ZZEF1: variants seen among roughly 807,000 people sequenced by gnomAD.
ZZEF1 encodes zinc finger ZZ-type and EF-hand domain containing 1, also known as zinc finger ZZ-type and EF-hand domain-containing protein 1.
A neutral mutation model predicts 342.8 loss-of-function variants in ZZEF1; 157 were observed. That is an observed-to-expected ratio of 0.46 (90% CI 0.40 to 0.52). The LOEUF (loss-of-function observed/expected upper bound fraction) is 0.52, where lower values mean the gene tolerates loss of function less well. ZZEF1 is among the 20% of genes least tolerant of loss of function. ZZEF1 has a pLI of 0.00. For missense variants in ZZEF1, 3,480 were observed against 3,725.6 expected (o/e 0.93, Z 1.72); for synonymous variants, 1,505 against 1,429.1 (o/e 1.05, Z -1.20).
Position 4,088,680 on chromosome 17 carries a change from G to C in ZZEF1, c.2239C>G (p.Leu747Val). 2 of 1,613,558 alleles carry C rather than the reference G, an allele frequency of 1.2e-6. No homozygotes were observed. Among genetic ancestry groups the C allele is most frequent in the African/African-American group, 1.3e-5 (1 of 75,050 alleles). The change falls in exon 13 of 55, where the codon CTG becomes GTG. Residue 747 changes from leucine (L) to valine (V), a missense_variant and splice_region_variant. Around this residue, in one of 5 missense-constraint regions of ZZEF1, gnomAD observed 1,528 missense variants for 1,624.1 expected, o/e 0.94. Transcript: ENST00000381638. ...TCTAACAACTGAGGAAGCCCTACCA[G>C]GTCATGGGCGAGCTGCTGGATAAAC... ...LQFIQQLAHD[L>V]VQQKESGLKY... is the part of the protein sequence containing the mutation.
intron 1 of ZZEF1, among the ~76,000 whole-genome samples, chr17:4,133,738 T>C (rs2058705594): frequency 6.6e-6 from 1 of 152,082 alleles, no homozygotes; most frequent in African/African-American, 2.4e-5. Flanking sequence ...TTTTTTCTTT[T>C]TGAGACAGGG....
At chr17:4,062,731 T>C (rs976715701) in intron 30 of ZZEF1, 22 bp downstream of exon 30, 1 of 1,575,314 alleles carries the variant, frequency 6.3e-7, no homozygotes, top group Non-Finnish European at 8.6e-7. Context: ...GTTTTCCTTC[T>C]GGACCTGTCC....
intron 25 of ZZEF1, among the ~76,000 whole-genome samples, chr17:4,071,719 G>A (rs2057513082): frequency 6.6e-6 from 1 of 152,186 alleles, no homozygotes. Flanking sequence ...GACCACCACA[G>A]AAGTGACCGG....
At chr17:4,113,774 A>G (rs2058351749) in intron 4 of ZZEF1, among the ~76,000 whole-genome samples, 1 of 152,190 alleles carries the variant, frequency 6.6e-6, no homozygotes, top group South Asian at 2.1e-4. Flanking sequence ...GTTTGAGACA[A>G]GCCTGGGCAA....
At chr17:4,096,523 C>T in intron 10 of ZZEF1, 86 bp downstream of exon 10, 1 of 1,149,104 alleles carries the variant, frequency 8.7e-7, no homozygotes, top group Non-Finnish European at 1.3e-6. Context: ...CTCATGTACC[C>T]CACAAATATA....
At chr17:4,092,299 C>CTTTTT (rs367934690) in intron 11 of ZZEF1, among the ~76,000 whole-genome samples, 1 of 118,396 alleles carries the variant, frequency 8.4e-6, no homozygotes, top group Non-Finnish European at 1.7e-5. Flanking sequence ...AAACATGTCC[C>CTTTTT]TTTTTTTTTT....
Position 4,131,862 on chromosome 17 carries a change from A to T in ZZEF1, c.355-7811T>A, listed in dbSNP as rs770828200. On this transcript the variant is annotated intron_variant, in intron 1 of 54. Transcript: ENST00000381638. ...ATAATCATAATAAGGTAAAGGTCAA[A>T]GGGTGATCTAAACAAAATGGACAGA... Among the ~76,000 whole-genome samples the T allele has an allele frequency of 9.2e-5, 14 of 152,214 alleles. 1 individual carries two copies. The highest frequency in any genetic ancestry group is 1.9e-4 in the Non-Finnish European group (13 of 68,034).
intron 34 of ZZEF1, among the ~76,000 whole-genome samples, chr17:4,052,553 A>G (rs1402318471): frequency 6.6e-6 from 1 of 152,166 alleles, no homozygotes; most frequent in Non-Finnish European, 1.5e-5. Flanking sequence ...GACTTCCAAA[A>G]TAAAAAAATA....
chr17:4,021,399 T>C (rs2056266660), intron 44 of ZZEF1, 79 bp from the exon 45 acceptor site: 2 of 1,201,562 alleles, frequency 1.7e-6, no homozygotes, highest in African/African-American at 3.1e-5. Context: ...CATGAAAATA[T>C]TGGGCCTAAC....
chr17:4,031,736 T>C (rs552002242), intron 42 of ZZEF1, among the ~76,000 whole-genome samples: 2 of 152,304 alleles, frequency 1.3e-5, no homozygotes, highest in East Asian at 1.9e-4. Flanking sequence ...TAAAACAAAA[T>C]GGAAAGTTAC....
rs773773609 is a variant in ZZEF1 at position 4,104,610 on chromosome 17, C to T, written c.1573+23G>A. 6 of 1,611,420 alleles carry T rather than the reference C, an allele frequency of 3.7e-6. No individual in the cohort carries two copies. In the East Asian group the frequency reaches 1.1e-4, roughly 30 times the overall value. Reference sequence around the variant, plus strand: ...TTGTCCACTGTTGACATTTCTATCACCCCCATGTTTTACCATATTTACCAT... The same window carrying T: ...TTGTCCACTGTTGACATTTCTATCATCCCCATGTTTTACCATATTTACCAT... On this transcript the variant is annotated intron_variant, in intron 8 of 54. Coordinates refer to ENST00000381638, the MANE Select transcript of ZZEF1 (RefSeq NM_015113.4).
At chr17:4,105,291 C>T (rs537352258) in intron 7 of ZZEF1, among the ~76,000 whole-genome samples, 1 of 152,162 alleles carries the variant, frequency 6.6e-6, no homozygotes, top group African/African-American at 2.4e-5. Flanking sequence ...AGTGAGTGTC[C>T]CTACACAAAG....
intron 12 of ZZEF1, 94 bp from the exon 13 acceptor site, chr17:4,088,987 T>C: frequency 1.7e-6 from 2 of 1,182,328 alleles, no homozygotes; most frequent in Non-Finnish European, 2.4e-6. Flanking sequence ...GGTCTTCCTA[T>C]GATTTTCGTA....
intron 1 of ZZEF1, among the ~76,000 whole-genome samples, chr17:4,126,719 C>T (rs577020722): frequency 6.6e-6 from 1 of 152,242 alleles, no homozygotes; most frequent in Non-Finnish European, 1.5e-5. Flanking sequence ...CCTTGGGAGG[C>T]CAAAGTGCCT....
At position 4,117,157 on chromosome 17, in the gene ZZEF1, T is replaced by G. The variant is rs745836533; in HGVS notation, c.509A>C (p.Asp170Ala). The change falls in exon 3 of 55, where the codon GAC becomes GCC. Residue 170 changes from aspartate to alanine, a missense_variant. By Grantham distance (126) the Asp-to-Ala change is moderately radical (BLOSUM62 -2). Transcript: ENST00000381638. ...QACSLVPGFT[D>A]IFSESKEGLD... ...GCCCTCCTTCGACTCTGAAAATATGTCTGTGAAACCTAAACAGATGAAATC... is the reference window on the plus strand; with the variant it reads ...GCCCTCCTTCGACTCTGAAAATATGGCTGTGAAACCTAAACAGATGAAATC... The G allele has an allele frequency of 3.1e-6, 5 of 1,611,944 alleles. No homozygotes were observed. The highest frequency in any genetic ancestry group is 3.4e-6 in the Non-Finnish European group (4 of 1,178,618).
intron 39 of ZZEF1, among the ~76,000 whole-genome samples, chr17:4,036,552 T>C (rs1480039858): frequency 6.6e-6 from 1 of 151,958 alleles, no homozygotes; most frequent in Non-Finnish European, 1.5e-5. Flanking sequence ...CTGACCAACA[T>C]GGTGAAACCT....
Position 4,123,268 on chromosome 17 carries a change from CATATATATAT to C in ZZEF1, c.499+629_499+638del, listed in dbSNP as rs60101709. ...TTTATACATTAGAATTTATCATAAC[CATATATATAT>C]ATATATATATATATATATATATATA... On this transcript the variant is annotated intron_variant, in intron 2 of 54. Coordinates refer to ENST00000381638, the MANE Select transcript of ZZEF1 (RefSeq NM_015113.4). Among the ~76,000 whole-genome samples, 687 of 85,320 alleles carry C rather than the reference CATATATATAT, an allele frequency of 8.1e-3. 7 individuals are homozygous for C. The highest frequency in any genetic ancestry group is 0.014 in the African/African-American group (330 of 22,830). The allele number at this position is 85,320 out of a possible 152,430, so 56.0% of individuals were successfully genotyped here.
Position 4,117,016 on chromosome 17 carries a change from G to A in ZZEF1, c.650C>T (p.Ser217Phe). The A allele has an allele frequency of 6.2e-7, 1 of 1,613,392 alleles. No homozygotes were observed. The highest frequency in any genetic ancestry group is 8.5e-7 in the Non-Finnish European group (1 of 1,179,550). Residue 217 changes from serine to phenylalanine, a missense_variant, in exon 3 of 55, where the codon TCC becomes TTC. Transcript: ENST00000381638. ...CTGATCCAGAGACTCCTTCAGGACG[G>A]AAGACCGCATGGTGCACATGTTATT... Reference protein sequence around the residue: ...HCNNMCTMRSSVLKESLDQLV... With the variant: ...HCNNMCTMRSFVLKESLDQLV...
At chr17:4,122,244 T>C (rs2058494941) in intron 2 of ZZEF1, among the ~76,000 whole-genome samples, 1 of 152,206 alleles carries the variant, frequency 6.6e-6, no homozygotes, top group Non-Finnish European at 1.5e-5. Flanking sequence ...AAGGAAAATG[T>C]ACAAAGTTTC....
Sources: gnomAD v4.1 joint callset for allele counts (sites outside exome capture counted in the v4.1 genomes callset) on GRCh38, gnomAD v4.1.1 for gene constraint, gnomAD v4.1.1 regional missense constraint, MANE v1.5 for transcripts, NCBI Gene and HGNC (gene_info 2026-07-23, HGNC 2026-07-21) for gene names.